Variants in PI4KB observed in about 807,000 individuals in gnomAD.
PI4KB encodes the protein phosphatidylinositol 4-kinase beta, also known as PtdIns 4-kinase beta.
PI4KB carries 23 observed loss-of-function variants against 81.4 expected under a neutral mutation model. The ratio of observed to expected loss-of-function variants is 0.28; its 90% confidence interval spans 0.20 to 0.40. PI4KB has a LOEUF of 0.40. PI4KB is among the 10% of genes least tolerant of loss of function. The pLI, the probability that PI4KB is intolerant of heterozygous loss-of-function variation, is 1.00. For missense variants in PI4KB, 651 were observed against 1,036.6 expected (o/e 0.63, Z 5.11); for synonymous variants, 381 against 406.8 (o/e 0.94, Z 0.76).
rs767708071 is a variant in PI4KB at position 151,315,603 on chromosome 1, G to A, written c.879C>T (p.Ala293=). 1 of 1,613,938 alleles carries A rather than the reference G, an allele frequency of 6.2e-7. No homozygotes were observed. The highest frequency in any genetic ancestry group is 1.1e-5 in the South Asian group (1 of 91,060). The change falls in exon 2 of 12, where the codon GCC becomes GCT. Residue 293 remains alanine (A), a synonymous_variant. Transcript: ENST00000368873. ...ISLSSNLKRT[A]SNPKVENEDE... is the part of the protein sequence containing the mutation. ...CCTCATTCTCCACTTTAGGGTTGCTGGCTGTTCGTTTCAGGTTGCTGCTGA... is the reference window on the plus strand; with the variant it reads ...CCTCATTCTCCACTTTAGGGTTGCTAGCTGTTCGTTTCAGGTTGCTGCTGA...
chr1:151,294,644 T>C (rs1571128845), intron 9 of PI4KB, 103 bp from the exon 10 acceptor site: 4 of 1,057,060 alleles, frequency 3.8e-6, no homozygotes, highest in Non-Finnish European at 5.7e-6. Flanking sequence ...GGGAGGGGGG[T>C]CCCCTGCCAT....
intron 2 of PI4KB, 48 bp from the exon 3 acceptor site, chr1:151,310,303 AGG>A: frequency 1.6e-6 from 1 of 621,246 alleles, no homozygotes; most frequent in Non-Finnish European, 3.0e-6. Context: ...GTGGGAAGGG[AGG>A]GGAGAGAGAC....
rs1695018771 is a variant in PI4KB at position 151,298,872 on chromosome 1, G to A, written c.1951C>T (p.Arg651Cys). The A allele has an allele frequency of 1.9e-6, 3 of 1,614,166 alleles. No homozygotes were observed. Among genetic ancestry groups the A allele is most frequent in the Non-Finnish European group, 2.5e-6 (3 of 1,180,014 alleles). ...YTTEAFLSAQ[R>C]NFVQSCAGYC... ...CCAGCACAACTTTGCACAAAATTGC[G>A]CTGTGCACTGAGGAATGCCTCAGTG... The change falls in exon 9 of 12, where the codon CGC becomes TGC. Residue 651 changes from arginine (R) to cysteine (C), a missense_variant. This residue lies in a region of PI4KB where 246 missense variants were observed against 430.1 expected (regional missense o/e 0.57). Transcript: ENST00000368873.
chr1:151,296,619 C>T (rs1381441867), intron 9 of PI4KB, among the ~76,000 whole-genome samples: 3 of 151,420 alleles, frequency 2.0e-5, no homozygotes, highest in East Asian at 1.9e-4. Context: ...TACAGGCGCC[C>T]GCCACCACAC....
rs191887265 is a variant in PI4KB, at chr1:151,325,141, G to A, written c.-29+2130C>T. ...GGAGTAGCTGGGATTACAGAAGCTC[G>A]CCACCATGCCCGGCTAATTTTTTGT... On this transcript the variant is annotated intron_variant, in intron 1 of 11. Coordinates refer to ENST00000368873, the MANE Select transcript of PI4KB (RefSeq NM_001369623.2). 6.6e-5 allele frequency among the ~76,000 whole-genome samples: 10 copies of A among 151,944 alleles called. 1 individual carries two copies. In the East Asian group the frequency reaches 1.4e-3, roughly 21 times the overall value.
intron 5 of PI4KB, among the ~76,000 whole-genome samples, chr1:151,305,701 T>G (rs1207548594): frequency 6.6e-6 from 1 of 152,220 alleles, no homozygotes; most frequent in Non-Finnish European, 1.5e-5. Context: ...TCTTTCCAGT[T>G]AGGTCATAAA....
intron 11 of PI4KB, chr1:151,293,701 A>G: frequency 3.0e-6 from 1 of 337,214 alleles, no homozygotes; most frequent in Non-Finnish European, 5.6e-6. Flanking sequence ...AGATGGAAGG[A>G]GACTGAGAAA....
intron 1 of PI4KB, among the ~76,000 whole-genome samples, chr1:151,317,139 CT>C (rs34628896): frequency 1.2e-3 from 154 of 126,940 alleles, no homozygotes; most frequent in East Asian, 1.6e-3. Flanking sequence ...TTTACAAATT[CT>C]TTTTTTTTTT....
chr1:151,317,139 CTTTTT>C (rs34628896), intron 1 of PI4KB, among the ~76,000 whole-genome samples: 1 of 126,958 alleles, frequency 7.9e-6, no homozygotes, highest in Non-Finnish European at 1.6e-5. Flanking sequence ...TTTACAAATT[CTTTTT>C]TTTTTTTTTT....
intron 1 of PI4KB, chr1:151,324,909 G>A: frequency 1.0e-6 from 1 of 984,792 alleles, no homozygotes; most frequent in Non-Finnish European, 1.2e-6. Context: ...ATGGAGCGTG[G>A]ACTCAACTCT....
intron 1 of PI4KB, among the ~76,000 whole-genome samples, chr1:151,324,249 C>T (rs200410584): frequency 2.0e-5 from 3 of 152,166 alleles, no homozygotes; most frequent in Admixed American, 6.5e-5. Flanking sequence ...GCATGAGCCA[C>T]GGTGCCCAGC....
At chr1:151,320,056 CG>C (rs1354697361) in intron 1 of PI4KB, among the ~76,000 whole-genome samples, 1 of 152,050 alleles carries the variant, frequency 6.6e-6, no homozygotes, top group African/African-American at 2.4e-5. Flanking sequence ...CTTTTTGAGA[CG>C]GAGTCTCGCT....
At chr1:151,302,124 G>A in intron 7 of PI4KB, 70 bp downstream of exon 7, 1 of 1,528,564 alleles carries the variant, frequency 6.5e-7, no homozygotes, top group Non-Finnish European at 9.1e-7. Flanking sequence ...GGACAATAAA[G>A]TTGGTGCAGT....
Position 151,291,917 on chromosome 1 carries a change from CTT to C in PI4KB, c.*933_*934del, listed in dbSNP as rs1694296174. The stretch of plus-strand genomic sequence containing the variant: ...TGGTCGAATCTCCATTCAGGCCTCT[CTT>C]TTTCTGTGACTTGGACAATGTGGAG... On this transcript the variant is annotated 3_prime_UTR_variant, in exon 12 of 12. Coordinates refer to ENST00000368873, the MANE Select transcript of PI4KB (RefSeq NM_001369623.2). 6.6e-6 allele frequency: 1 copy of C among 152,324 alleles called. No individual in the cohort carries two copies. Among genetic ancestry groups the C allele is most frequent in the Non-Finnish European group, 1.5e-5 (1 of 68,052 alleles). 9.4% of individuals were successfully genotyped at this position (152,324 alleles called of 1,614,324 possible). A position where few individuals can be genotyped will look rare whatever the true frequency, so the allele number is the denominator to read the frequency against.
intron 2 of PI4KB, among the ~76,000 whole-genome samples, chr1:151,311,691 C>T (rs903455797): frequency 5.9e-5 from 9 of 152,206 alleles, no homozygotes; most frequent in Admixed American, 5.9e-4. Flanking sequence ...TCCTGTCTGA[C>T]TCATTGACAG....
At chr1:151,304,404 T>C (rs1473131318) in intron 5 of PI4KB, among the ~76,000 whole-genome samples, 1 of 149,316 alleles carries the variant, frequency 6.7e-6, no homozygotes, top group Admixed American at 6.8e-5. Flanking sequence ...AGTGCAATGG[T>C]GTGATCTCGG....
At chr1:151,310,093 T>C (rs1696086457) in intron 3 of PI4KB, 118 bp downstream of exon 3, 1 of 707,336 alleles carries the variant, frequency 1.4e-6, no homozygotes, top group East Asian at 2.6e-5. Context: ...GATCTCCCAG[T>C]AAGAAAAGGG....
In PI4KB at chr1:151,306,313, G is replaced by A. The variant is rs776506884; in HGVS notation, c.1233C>T (p.Thr411=). ...VEVLECENFD[T]TSVPARIPEN... The stretch of plus-strand genomic sequence containing the variant: ...CGGGGATCCGGGCAGGGACACTGGT[G>A]GTGTCAAAGTTTTCACATTCAAGGA... Residue 411 remains threonine, a synonymous_variant, in exon 5 of 12, where the codon ACC becomes ACT. Transcript: ENST00000368873. 2.5e-6 allele frequency: 4 copies of A among 1,614,018 alleles called. No homozygotes were observed. The highest frequency in any genetic ancestry group is 3.4e-6 in the Non-Finnish European group (4 of 1,180,008).
intron 5 of PI4KB, among the ~76,000 whole-genome samples, chr1:151,305,204 G>A (rs962114524): frequency 1.3e-5 from 2 of 152,188 alleles, no homozygotes; most frequent in Non-Finnish European, 2.9e-5. Flanking sequence ...GACTTCAAGC[G>A]ATCCACCCAC....
Sources: gnomAD v4.1 joint callset for allele counts (sites outside exome capture counted in the v4.1 genomes callset) on GRCh38, gnomAD v4.1.1 for gene constraint, gnomAD v4.1.1 regional missense constraint, MANE v1.5 for transcripts, NCBI Gene and HGNC (gene_info 2026-07-23, HGNC 2026-07-21) for gene names.